TTYH2: variants seen among roughly 807,000 people sequenced by gnomAD.
TTYH2 encodes tweety family member 2, also known as protein tweety homolog 2.
TTYH2 carries 49 observed loss-of-function variants against 68.3 expected under a neutral mutation model. That is an observed-to-expected ratio of 0.72 (90% CI 0.57 to 0.91). The LOEUF (loss-of-function observed/expected upper bound fraction) is 0.91, where lower values mean the gene tolerates loss of function less well. Among genes scored for constraint, TTYH2 ranks in the 40% least tolerant of loss-of-function variants. The pLI is 0.00. For synonymous variants in TTYH2, 272 were observed against 300.8 expected (o/e 0.90, Z 0.99); for missense variants, 631 against 700.4 (o/e 0.90, Z 1.12).
At chr17:74,223,952 G>A (rs966109522) in intron 2 of TTYH2, among the ~76,000 whole-genome samples, 2 of 152,214 alleles carry the variant, frequency 1.3e-5, no homozygotes, top group South Asian at 2.1e-4. Flanking sequence ...CTTGTGGGGC[G>A]GACAAAGCTC....
At position 74,244,763 on chromosome 17, in the gene TTYH2, C is replaced by T. The variant is rs147733387; in HGVS notation, c.804+714C>T. Among the ~76,000 whole-genome samples, 715 of 152,116 alleles carry T rather than the reference C, an allele frequency of 4.7e-3. 1 individual carries two copies. Among genetic ancestry groups the T allele is most frequent in the Middle Eastern group, 0.014 (4 of 294 alleles). The stretch of plus-strand genomic sequence containing the variant: ...CCTGGGGTTGCGGAAGCCAAGAGGA[C>T]GTGATGTTTGCTGTTGACAAAGTTC... On this transcript the variant is annotated intron_variant, in intron 6 of 13. Transcript: ENST00000269346.
chr17:74,225,708 G>A (rs774271214), intron 2 of TTYH2, among the ~76,000 whole-genome samples: 15 of 152,194 alleles, frequency 9.9e-5, no homozygotes, highest in Non-Finnish European at 1.8e-4. Flanking sequence ...GCTGCAGAAC[G>A]AGGGGAGCAG....
chr17:74,226,499 T>C (rs904994563), intron 2 of TTYH2, among the ~76,000 whole-genome samples: 1 of 152,110 alleles, frequency 6.6e-6, no homozygotes, highest in Non-Finnish European at 1.5e-5. Flanking sequence ...TTGGTCGCCT[T>C]CCTTGGAGCT....
intron 2 of TTYH2, among the ~76,000 whole-genome samples, chr17:74,228,703 G>A (rs2050357189): frequency 6.6e-6 from 1 of 152,136 alleles, no homozygotes; most frequent in Non-Finnish European, 1.5e-5. Context: ...ATCAGTGGGG[G>A]GCGGGGGGAA....
At chr17:74,238,198 G>C (rs1309713165) in intron 4 of TTYH2, among the ~76,000 whole-genome samples, 1 of 152,198 alleles carries the variant, frequency 6.6e-6, no homozygotes, top group African/African-American at 2.4e-5. Context: ...TCGCCTGCCA[G>C]AGTTCATGGG....
rs1265297054 is a variant in TTYH2, at chr17:74,239,323, C to T, written c.635+1809C>T. On this transcript the variant is annotated intron_variant, in intron 4 of 13. Coordinates refer to ENST00000269346, the MANE Select transcript of TTYH2 (RefSeq NM_032646.6). The surrounding 1 kb of genome is among the most constrained non-coding windows in gnomAD (Gnocchi z 5.3). ...GGGCTTGTGCTCCCAGGGCCCGGGC[C>T]TAGCATGGAGGAGGCACGTGGGGAG... Among the ~76,000 whole-genome samples the T allele has an allele frequency of 6.6e-6, 1 of 152,188 alleles. No homozygotes were observed.
In TTYH2 at chr17:74,215,100, G is replaced by A. The variant is rs1486711888; in HGVS notation, c.129+1384G>A. 6.6e-6 allele frequency among the ~76,000 whole-genome samples: 1 copy of A among 151,880 alleles called. No individual in the cohort carries two copies. The highest frequency in any genetic ancestry group is 1.5e-5 in the Non-Finnish European group (1 of 67,978). On this transcript the variant is annotated intron_variant, in intron 1 of 13. Transcript: ENST00000269346. This position sits in a 1 kb window ranked among gnomAD's most constrained non-coding sequence, Gnocchi z 4.3. ...GTTCCCTGAGAATGTGGCTGCCTGGGGATAGCTCCAGGGAATCTTCCTCTC... is the reference window on the plus strand; with the variant it reads ...GTTCCCTGAGAATGTGGCTGCCTGGAGATAGCTCCAGGGAATCTTCCTCTC...
chr17:74,256,588 T>C (rs557979262), intron 13 of TTYH2, among the ~76,000 whole-genome samples: 67 of 152,322 alleles, frequency 4.4e-4, no homozygotes, highest in African/African-American at 1.5e-3. Flanking sequence ...TGTCGTTCTT[T>C]CTTCCTGGGG....
rs73996943 is a variant in TTYH2, at chr17:74,254,829, A to T, written c.1524+996A>T. ...TTCTTTTTAGATTTCTGTTTACCTT[A>T]ATCCTTGGTCTCTTTTGGGCTGGAC... is the stretch of plus-strand genomic sequence containing the variant. On this transcript the variant is annotated intron_variant, in intron 13 of 13. Transcript: ENST00000269346. Among the ~76,000 whole-genome samples, 870 of 152,364 alleles carry T rather than the reference A, an allele frequency of 5.7e-3. 9 individuals carry two copies. Among genetic ancestry groups the T allele is most frequent in the African/African-American group, 0.02 (832 of 41,588 alleles).
chr17:74,219,905 C>T (rs1161760961), intron 1 of TTYH2, among the ~76,000 whole-genome samples: 1 of 151,622 alleles, frequency 6.6e-6, no homozygotes, highest in Admixed American at 6.6e-5. Context: ...ACACAGCCCT[C>T]CTTTCTGTAA....
rs961931498 is a variant in TTYH2 at position 74,232,450 on chromosome 17, C to T, written c.414+1451C>T. Among the ~76,000 whole-genome samples the T allele has an allele frequency of 1.1e-4, 16 of 152,314 alleles. No homozygotes were observed. The highest frequency in any genetic ancestry group is 2.6e-4 in the African/African-American group (11 of 41,580). ...CTTAGCTGAGCGCTGAGTCCCAGTG[C>T]GGAGATGCTAGTCTGGAACAGCCTT... On this transcript the variant is annotated intron_variant, in intron 3 of 13. Transcript: ENST00000269346. The surrounding 1 kb of genome is among the most constrained non-coding windows in gnomAD (Gnocchi z 5.1).
intron 2 of TTYH2, among the ~76,000 whole-genome samples, chr17:74,229,676 T>C (rs533537467): frequency 2.6e-4 from 39 of 152,230 alleles, no homozygotes; most frequent in Non-Finnish European, 5.1e-4. Context: ...TGAAATATTA[T>C]TCAGCACTGA....
intron 1 of TTYH2, among the ~76,000 whole-genome samples, chr17:74,216,649 T>C (rs1567808211): frequency 6.6e-6 from 1 of 152,236 alleles, no homozygotes; most frequent in South Asian, 2.1e-4. Context: ...ACTTGGCCTG[T>C]GTCACCAGCC....
rs1165462034 is a variant in TTYH2, at chr17:74,217,510, G to A, written c.129+3794G>A. 3.3e-5 allele frequency among the ~76,000 whole-genome samples: 5 copies of A among 152,280 alleles called. No homozygotes were observed. Among genetic ancestry groups the A allele is most frequent in the East Asian group, 1.9e-4 (1 of 5,180 alleles). On this transcript the variant is annotated intron_variant, in intron 1 of 13. Transcript: ENST00000269346. The surrounding 1 kb of genome is among the most constrained non-coding windows in gnomAD (Gnocchi z 4.0). ...ACCAGGCAGCAAGCCCATCCCAGCC[G>A]AGATCTGAGAAGAGCTGAGGTTGGG... is the stretch of plus-strand genomic sequence containing the variant.
Position 74,241,444 on chromosome 17 carries a change from G to A in TTYH2, c.636-1930G>A, listed in dbSNP as rs2050500275. 6.6e-6 allele frequency among the ~76,000 whole-genome samples: 1 copy of A among 152,186 alleles called. No individual in the cohort carries two copies. Among genetic ancestry groups the A allele is most frequent in the Non-Finnish European group, 1.5e-5 (1 of 68,036 alleles). On this transcript the variant is annotated intron_variant, in intron 4 of 13. Coordinates refer to ENST00000269346, the MANE Select transcript of TTYH2 (RefSeq NM_032646.6). The surrounding 1 kb of genome is among the most constrained non-coding windows in gnomAD (Gnocchi z 4.1). ...CCCGGCTCCATTCCGGGGAACCCCAGAGACCTAGTGTGTGCTGCCCCCTGC... is the reference window on the plus strand; with the variant it reads ...CCCGGCTCCATTCCGGGGAACCCCAAAGACCTAGTGTGTGCTGCCCCCTGC...
chr17:74,232,316 T>C lies in TTYH2; in HGVS notation c.414+1317T>C, dbSNP rs1234696128. Among the ~76,000 whole-genome samples, 2 of 152,124 alleles carry C rather than the reference T, an allele frequency of 1.3e-5. No homozygotes were observed. Among genetic ancestry groups the C allele is most frequent in the Non-Finnish European group, 2.9e-5 (2 of 68,008 alleles). Reference sequence around the variant, plus strand: ...TGCTCCTCCGTGCCCAAGTCAATTGTGGGAGGAGGCCCTGGCCTCCAGAAA... The same window carrying C: ...TGCTCCTCCGTGCCCAAGTCAATTGCGGGAGGAGGCCCTGGCCTCCAGAAA... On this transcript the variant is annotated intron_variant, in intron 3 of 13. Transcript: ENST00000269346. This position sits in a 1 kb window ranked among gnomAD's most constrained non-coding sequence, Gnocchi z 5.1.
At chr17:74,225,829 T>G (rs2050323928) in intron 2 of TTYH2, among the ~76,000 whole-genome samples, 2 of 150,886 alleles carry the variant, frequency 1.3e-5, no homozygotes, top group African/African-American at 5.0e-5. Flanking sequence ...ACCCCTGTAA[T>G]GGAGAACAGG....
Position 74,215,499 on chromosome 17 carries a change from C to A in TTYH2, c.129+1783C>A. On this transcript the variant is annotated intron_variant, in intron 1 of 13. Coordinates refer to ENST00000269346, the MANE Select transcript of TTYH2 (RefSeq NM_032646.6). The surrounding 1 kb of genome is among the most constrained non-coding windows in gnomAD (Gnocchi z 4.3). ...TCTGCCCCTCCTCCCAGGATTCTGGCCCCGGCTCACTTTGTGCTGGGCATC... is the reference window on the plus strand; with the variant it reads ...TCTGCCCCTCCTCCCAGGATTCTGGACCCGGCTCACTTTGTGCTGGGCATC... The A allele has an allele frequency of 1.2e-6, 1 of 826,094 alleles. No homozygotes were observed. The highest frequency in any genetic ancestry group is 1.9e-6 in the Non-Finnish European group (1 of 537,554). The allele number at this position is 826,094 out of a possible 1,614,324, so 51.2% of individuals were successfully genotyped here.
intron 4 of TTYH2, 94 bp downstream of exon 4, chr17:74,237,608 G>A: frequency 8.8e-7 from 1 of 1,133,666 alleles, no homozygotes; most frequent in Non-Finnish European, 1.2e-6. Context: ...GTGGAGAAGG[G>A]CCACTGGAAA....
Sources: gnomAD v4.1 joint callset for allele counts (sites outside exome capture counted in the v4.1 genomes callset) on GRCh38, gnomAD v4.1.1 for gene constraint, Gnocchi (gnomAD v3.1) non-coding constraint, MANE v1.5 for transcripts, NCBI Gene and HGNC (gene_info 2026-07-23, HGNC 2026-07-21) for gene names.